The following EFCAB8 variants were observed in gnomAD, a reference collection of about 807,000 sequenced individuals.
EFCAB8 encodes the protein EF-hand calcium binding domain 8.
A neutral mutation model predicts 116.3 loss-of-function variants in EFCAB8; 100 were observed. That is an observed-to-expected ratio of 0.86 (90% confidence interval 0.73 to 1.02). The LOEUF is 1.02. Ranked by LOEUF, EFCAB8 falls within the 50% of genes least tolerant of loss-of-function variation. The pLI is 0.00. For missense variants in EFCAB8, 1,320 were observed against 1,416.9 expected (o/e 0.93, Z 1.10); for synonymous variants, 558 against 567.9 (o/e 0.98, Z 0.25).
Position 32,960,174 on chromosome 20 carries a change from G to A in EFCAB8, c.3393+13G>A, listed in dbSNP as rs941481598. ...GATGAAGCATCAGGTAAGGTGGGAT[G>A]GGGCAGCTCCCCAAGAGGCTGGGTC... On this transcript the variant is annotated intron_variant, in intron 26 of 26. Coordinates refer to ENST00000400522, the MANE Select transcript of EFCAB8 (RefSeq NM_001143967.2). The A allele has an allele frequency of 7.1e-6, 11 of 1,550,796 alleles. No homozygotes were observed. The African/African-American group carries it at 1.4e-4, about 19-fold the overall frequency.
Position 32,937,744 on chromosome 20 carries a change from G to A in EFCAB8, c.2791-5892G>A, listed in dbSNP as rs995384245. ...AGTGATTCTCCTGCCTCAGCCTCCC[G>A]AGTAGCTGGGATTACAGGCATGCAC... On this transcript the variant is annotated intron_variant, in intron 22 of 26. Coordinates refer to ENST00000400522, the MANE Select transcript of EFCAB8 (RefSeq NM_001143967.2). 1.1e-4 allele frequency among the ~76,000 whole-genome samples: 15 copies of A among 132,064 alleles called. 2 individuals are homozygous for A. Among genetic ancestry groups the A allele is most frequent in the Non-Finnish European group, 1.5e-4 (9 of 59,598 alleles). The allele number at this position is 132,064 out of a possible 152,430, so 86.6% of individuals were successfully genotyped here.
chr20:32,931,257 C>T lies in EFCAB8; in HGVS notation c.2711C>T (p.Ala904Val). The T allele has an allele frequency of 6.4e-7, 1 of 1,551,606 alleles. No homozygotes were observed. The highest frequency in any genetic ancestry group is 1.4e-5 in the African/African-American group (1 of 73,150). Residue 904 changes from alanine (A) to valine (V), a missense_variant, in exon 22 of 27, where the codon GCA (alanine) becomes GTA (valine). Physicochemically the swap from Ala to Val is moderately conservative, Grantham distance 64 (BLOSUM62 0). Transcript: ENST00000400522. ...AGTGGGGCCAAGGTTGTCTCTGAAG[C>T]ACACAACAAGTTCCGGTTGTTAATT... Reference protein sequence around the residue: ...QSSGAKVVSEAHNKFRLLIPQ... With the variant: ...QSSGAKVVSEVHNKFRLLIPQ...
At chr20:32,925,591 G>T (rs1987639042) in intron 20 of EFCAB8, among the ~76,000 whole-genome samples, 1 of 152,254 alleles carries the variant, frequency 6.6e-6, no homozygotes, top group African/African-American at 2.4e-5. Context: ...GGCCTCAAGT[G>T]ATCCTCCTGC....
At chr20:32,917,543 C>A in intron 18 of EFCAB8, 38 bp downstream of exon 18, 1 of 1,520,400 alleles carries the variant, frequency 6.6e-7, no homozygotes, top group South Asian at 1.2e-5. Flanking sequence ...CCACCCTTCT[C>A]TCAGCTGTGA....
intron 5 of EFCAB8, among the ~76,000 whole-genome samples, chr20:32,881,640 C>G (rs1006815587): frequency 1.3e-5 from 2 of 152,218 alleles, no homozygotes; most frequent in Non-Finnish European, 2.9e-5. Flanking sequence ...AACTTTTCCT[C>G]CTTTGCAAGG....
intron 9 of EFCAB8, among the ~76,000 whole-genome samples, chr20:32,894,974 G>C (rs1251506699): frequency 6.6e-6 from 1 of 152,234 alleles, no homozygotes; most frequent in Non-Finnish European, 1.5e-5. Context: ...TCCTGCCCTT[G>C]CAAGATGGGG....
Position 32,959,933 on chromosome 20 carries a change from T to C in EFCAB8, c.3245T>C (p.Leu1082Pro). ...TCCCCGTGGGCCGGAGAGCGCCCCC[T>C]GGAAGACATTGAGGACAGCTGGAAC... ...LMSPWAGERP[L>P]EDIEDSWNKW... The change falls in exon 25 of 27, where the codon CTG becomes CCG. Residue 1082 changes from leucine (L) to proline (P), a missense_variant. By Grantham distance (98) the Leu-to-Pro change is moderately conservative. Coordinates refer to ENST00000400522, the MANE Select transcript of EFCAB8 (RefSeq NM_001143967.2). 6.4e-7 allele frequency: 1 copy of C among 1,551,628 alleles called. No homozygotes were observed. Among genetic ancestry groups the C allele is most frequent in the Non-Finnish European group, 8.7e-7 (1 of 1,146,956 alleles).
At chr20:32,922,597 A>G (rs1033229208) in intron 20 of EFCAB8, among the ~76,000 whole-genome samples, 1 of 152,214 alleles carries the variant, frequency 6.6e-6, no homozygotes, top group Admixed American at 6.5e-5. Flanking sequence ...AGCCGGGAAG[A>G]TGGCAGGGAG....
intron 6 of EFCAB8, among the ~76,000 whole-genome samples, chr20:32,887,266 G>A (rs530629638): frequency 6.6e-6 from 1 of 152,332 alleles, no homozygotes; most frequent in African/African-American, 2.4e-5. Context: ...TTCAGAGCCT[G>A]TGGTGTCATT....
At chr20:32,867,502 C>T in intron 2 of EFCAB8, 80 bp from the exon 3 acceptor site, 1 of 1,443,104 alleles carries the variant, frequency 6.9e-7, no homozygotes, top group East Asian at 2.5e-5. Flanking sequence ...CAAAGAGTCT[C>T]TCTTTAAATC....
rs191359975 is a variant in EFCAB8 at position 32,898,263 on chromosome 20, A to G, written c.958-230A>G. The G allele has an allele frequency of 7.8e-4, 366 of 469,500 alleles. 1 individual carries two copies. The highest frequency in any genetic ancestry group is 6.3e-3 in the African/African-American group (330 of 52,286). The allele number at this position is 469,500 out of a possible 1,614,324, so 29.1% of individuals were successfully genotyped here. On this transcript the variant is annotated intron_variant, in intron 10 of 26. Coordinates refer to ENST00000400522, the MANE Select transcript of EFCAB8 (RefSeq NM_001143967.2). ...TCTAACTCACAAGATTTCAAATGAA[A>G]GTAGGCTTGTGTGCTTTTAAAAATT...
chr20:32,916,466 C>T lies in EFCAB8; in HGVS notation c.1857-835C>T, dbSNP rs952193649. 6.6e-5 allele frequency among the ~76,000 whole-genome samples: 10 copies of T among 151,924 alleles called. 1 individual carries two copies. Among genetic ancestry groups the T allele is most frequent in the Admixed American group, 2.6e-4 (4 of 15,236 alleles). Reference sequence around the variant, plus strand: ...TAGAGATGTGGTCTTGCTCTGTTGCCCAAGCTGGTCTTGAACTCCTGGCCT... The same window carrying T: ...TAGAGATGTGGTCTTGCTCTGTTGCTCAAGCTGGTCTTGAACTCCTGGCCT... On this transcript the variant is annotated intron_variant, in intron 17 of 26. Transcript: ENST00000400522.
rs184462647 is a variant in EFCAB8 at position 32,930,221 on chromosome 20, C to T, written c.2413-177C>T. Among the ~76,000 whole-genome samples, 19 of 152,318 alleles carry T rather than the reference C, an allele frequency of 1.2e-4. No individual in the cohort carries two copies. In the East Asian group the frequency reaches 2.3e-3, roughly 19 times the overall value. On this transcript the variant is annotated intron_variant, in intron 20 of 26. Transcript: ENST00000400522. Reference sequence around the variant, plus strand: ...TCCCTGCCCTCTAGTAGTTCATAGTCGAGTATGACGTTCCTTGTCACCAGC... The same window carrying T: ...TCCCTGCCCTCTAGTAGTTCATAGTTGAGTATGACGTTCCTTGTCACCAGC...
At chr20:32,900,904 A>T (rs2093218691) in intron 11 of EFCAB8, among the ~76,000 whole-genome samples, 1 of 151,978 alleles carries the variant, frequency 6.6e-6, no homozygotes, top group South Asian at 2.1e-4. Flanking sequence ...GGGTTTCACC[A>T]TGTTGGCCAG....
At chr20:32,951,627 T>C (rs970016146) in intron 23 of EFCAB8, among the ~76,000 whole-genome samples, 2 of 152,190 alleles carry the variant, frequency 1.3e-5, no homozygotes, top group Admixed American at 6.5e-5. Flanking sequence ...ATGTACACAT[T>C]AAATAGAAAC....
chr20:32,910,060 A>C, intron 15 of EFCAB8, 129 bp downstream of exon 15: 1 of 429,410 alleles, frequency 2.3e-6, no homozygotes, highest in East Asian at 3.6e-5. Flanking sequence ...TACAGCCTTG[A>C]TGGTGGTGCT....
At position 32,908,184 on chromosome 20, in the gene EFCAB8, C is replaced by A. The variant is rs1986765617; in HGVS notation, c.1309-91C>A. On this transcript the variant is annotated intron_variant, in intron 13 of 26. Coordinates refer to ENST00000400522, the MANE Select transcript of EFCAB8 (RefSeq NM_001143967.2). ...TGCTTGGACGGACGATGTGCCCTGGCCTTGTTCGCCGGAGGCACCCCCGAG... is the reference window on the plus strand; with the variant it reads ...TGCTTGGACGGACGATGTGCCCTGGACTTGTTCGCCGGAGGCACCCCCGAG... The A allele has an allele frequency of 2.5e-6, 3 of 1,191,966 alleles. No homozygotes were observed. In the South Asian group the frequency reaches 1.3e-4, roughly 52 times the overall value. 73.8% of individuals were successfully genotyped at this position (1,191,966 alleles called of 1,614,324 possible).
Position 32,892,217 on chromosome 20 carries a change from C to T in EFCAB8, c.678C>T (p.Phe226=). 6.4e-7 allele frequency: 1 copy of T among 1,551,676 alleles called. No homozygotes were observed. Among genetic ancestry groups the T allele is most frequent in the Non-Finnish European group, 8.7e-7 (1 of 1,146,990 alleles). The stretch of plus-strand genomic sequence containing the variant: ...GGCCTTCTGTCTTTCCCCCAGATTT[C>T]TTTGATATTAGTGACCACAAATGTG... ...AVASTRQKID[F]FDISDHKCVR... The change falls in exon 8 of 27, where the codon TTC becomes TTT. Residue 226 remains phenylalanine (F), a synonymous_variant. Coordinates refer to ENST00000400522, the MANE Select transcript of EFCAB8 (RefSeq NM_001143967.2).
chr20:32,883,159 T>C (rs1985427003), intron 5 of EFCAB8, among the ~76,000 whole-genome samples: 1 of 152,246 alleles, frequency 6.6e-6, no homozygotes, highest in Non-Finnish European at 1.5e-5. Context: ...ATGGAATTTC[T>C]GGCCTCTGTA....
Sources: allele counts gnomAD v4.1 joint callset (sites outside exome capture counted in the v4.1 genomes callset), GRCh38; gene constraint gnomAD v4.1.1; transcripts MANE v1.5; gene names NCBI Gene and HGNC (gene_info 2026-07-23, HGNC 2026-07-21).